Variants in EPM2A observed in about 807,000 individuals in gnomAD.
EPM2A encodes laforin.
EPM2A carries 21 observed loss-of-function variants against 26.5 expected under a neutral mutation model. The ratio of observed to expected loss-of-function variants is 0.79; its 90% CI spans 0.56 to 1.14. The LOEUF is 1.14. Ranked by LOEUF, EPM2A falls within the 50% of genes most tolerant of loss-of-function variation. The pLI, the probability that EPM2A is intolerant of heterozygous loss-of-function variation, is 0.00. For missense variants in EPM2A, 458 were observed against 440.8 expected, an observed-to-expected ratio of 1.04 and a Z score of -0.35; for synonymous variants, 217 against 177.6, an observed-to-expected ratio of 1.22 and a Z score of -1.76.
At chr6:145,421,101 C>T (rs1319875190) in intron 4 of EPM2A, among the ~76,000 whole-genome samples, 1 of 152,148 alleles carries the variant, frequency 6.6e-6, no homozygotes, top group Non-Finnish European at 1.5e-5. Context: ...AGAACCGAAG[C>T]TGGGGTAACA....
chr6:145,404,906 A>C (rs954435188), intron 4 of EPM2A, among the ~76,000 whole-genome samples: 5 of 152,142 alleles, frequency 3.3e-5, no homozygotes, highest in Non-Finnish European at 7.4e-5. Context: ...GTGATTTTGA[A>C]ATATAAGCAA....
chr6:145,671,314 G>A, intron 2 of EPM2A: 1 of 1,027,654 alleles, frequency 9.7e-7, no homozygotes, highest in Non-Finnish European at 1.2e-6. Context: ...CTGGACTCTT[G>A]AGTTGAATGT....
chr6:145,692,398 T>C (rs1781333680), intron 1 of EPM2A, among the ~76,000 whole-genome samples: 1 of 151,956 alleles, frequency 6.6e-6, no homozygotes, highest in Non-Finnish European at 1.5e-5. Flanking sequence ...GCACCCAATA[T>C]AGCAGAATGC....
chr6:145,452,489 C>CAAA (rs563777945), intron 4 of EPM2A, among the ~76,000 whole-genome samples: 1,238 of 75,784 alleles, frequency 0.016, 8 homozygotes, highest in East Asian at 0.022. Flanking sequence ...ACTAAAAATA[C>CAAA]AAAAAAAAAA....
At chr6:145,642,542 G>A (rs1194036283) in intron 2 of EPM2A, among the ~76,000 whole-genome samples, 1 of 152,076 alleles carries the variant, frequency 6.6e-6, no homozygotes, top group Non-Finnish European at 1.5e-5. Flanking sequence ...ATGAAGACAG[G>A]CAACAAACAA....
At chr6:145,468,088 T>C (rs1007026502) in intron 4 of EPM2A, among the ~76,000 whole-genome samples, 2 of 152,084 alleles carry the variant, frequency 1.3e-5, no homozygotes, top group African/African-American at 2.4e-5. Context: ...GTCTGTCCTG[T>C]TTATATTTGT....
intron 4 of EPM2A, chr6:145,490,793 C>T: frequency 1.7e-6 from 1 of 577,480 alleles, no homozygotes; most frequent in African/African-American, 1.9e-5. Flanking sequence ...AGTTTCGATA[C>T]TTTCTACCTG....
chr6:145,566,586 C>T (rs1780886906), intron 2 of EPM2A, among the ~76,000 whole-genome samples: 1 of 152,156 alleles, frequency 6.6e-6, no homozygotes, highest in Non-Finnish European at 1.5e-5. Context: ...AAGCATTAAC[C>T]AGTGAAGGTT....
At chr6:145,624,957 C>A (rs2128554495), downstream of EPM2A, among the ~76,000 whole-genome samples, 1 of 152,328 alleles carries the variant, frequency 6.6e-6, no homozygotes, top group South Asian at 2.1e-4. Flanking sequence ...CCACCTCATT[C>A]AGACTTTCCT....
chr6:145,576,684 C>T (rs761371931), intron 2 of EPM2A, among the ~76,000 whole-genome samples: 9 of 151,964 alleles, frequency 5.9e-5, no homozygotes, highest in Non-Finnish European at 1.3e-4. Flanking sequence ...TAGTGTGCAA[C>T]AATAAATCAT....
chr6:145,415,919 T>C (rs538548911), intron 4 of EPM2A, among the ~76,000 whole-genome samples: 1 of 152,318 alleles, frequency 6.6e-6, no homozygotes, highest in Non-Finnish European at 1.5e-5. Flanking sequence ...TTGGTTTCCA[T>C]TCTTGCTCTC....
At chr6:145,396,419 T>C (rs1407783141) in intron 4 of EPM2A, among the ~76,000 whole-genome samples, 6 of 152,178 alleles carry the variant, frequency 3.9e-5, no homozygotes, top group Non-Finnish European at 7.3e-5. Flanking sequence ...GACAAAATTA[T>C]AGGAAAGTCC....
chr6:145,700,080 A>C (rs2128624629), intron 1 of EPM2A, among the ~76,000 whole-genome samples: 1 of 152,262 alleles, frequency 6.6e-6, no homozygotes, highest in African/African-American at 2.4e-5. Flanking sequence ...ATCTAAAGAG[A>C]TGCCAAAAGA....
chr6:145,515,994 C>T (rs1780121062), intron 2 of EPM2A, among the ~76,000 whole-genome samples: 1 of 152,160 alleles, frequency 6.6e-6, no homozygotes, highest in Non-Finnish European at 1.5e-5. Context: ...AGCTGATACT[C>T]AGACATCAAA....
intron 4 of EPM2A, chr6:145,490,250 C>T (rs1219801920): frequency 7.8e-7 from 1 of 1,284,064 alleles, no homozygotes; most frequent in Admixed American, 2.3e-5. Flanking sequence ...ACATAAAGAA[C>T]AATAGTTGGG....
chr6:145,473,703 C>T (rs1338774338), intron 4 of EPM2A, among the ~76,000 whole-genome samples: 1 of 152,036 alleles, frequency 6.6e-6, no homozygotes, highest in African/African-American at 2.4e-5. Flanking sequence ...AGCTCCAGTA[C>T]ATCAGGCAGT....
intron 2 of EPM2A, chr6:145,682,435 G>C (rs1562484473): frequency 6.6e-6 from 1 of 152,128 alleles, no homozygotes; most frequent in Non-Finnish European, 1.5e-5. Flanking sequence ...CAAATGTCCT[G>C]AGAAAAAGAT....
At chr6:145,652,651 C>A (rs1777966729) in intron 2 of EPM2A, among the ~76,000 whole-genome samples, 1 of 151,738 alleles carries the variant, frequency 6.6e-6, no homozygotes, top group South Asian at 2.1e-4. Context: ...CAAGGATAAC[C>A]ACTATTCTGA....
At chr6:145,529,137 T>C (rs1412796531) in intron 2 of EPM2A, among the ~76,000 whole-genome samples, 1 of 152,202 alleles carries the variant, frequency 6.6e-6, no homozygotes, top group Non-Finnish European at 1.5e-5. Context: ...AAGTAGTTTC[T>C]TGAGATAGAG....
Sources: allele counts gnomAD v4.1 joint callset (sites outside exome capture counted in the v4.1 genomes callset), GRCh38; gene constraint gnomAD v4.1.1; transcripts MANE v1.5; gene names NCBI Gene and HGNC (gene_info 2026-07-23, HGNC 2026-07-21).